Variants in IPO5 observed in about 807,000 individuals in gnomAD.
IPO5 encodes importin-5.
In IPO5, 18 loss-of-function variants were observed where a neutral mutation model predicts 143.3. The ratio of observed to expected loss-of-function variants is 0.13; its 90% CI spans 0.09 to 0.19. The LOEUF (loss-of-function observed/expected upper bound fraction) is 0.19. IPO5 is among the 10% of genes least tolerant of loss of function. The pLI, the probability that IPO5 is intolerant of heterozygous loss-of-function variation, is 1.00. For synonymous variants in IPO5, 477 were observed against 465.7 expected (o/e 1.02, Z -0.31); for missense variants, 1,013 against 1,336.9 (o/e 0.76, Z 3.78).
chr13:98,013,267 C>T lies in IPO5; in HGVS notation c.2153-775C>T, dbSNP rs1313770887. Reference sequence around the variant, plus strand: ...GTTTGTTTTTGTTTTTAAGTAGAGACGGGCTTTCACCACGTTGGCCAGGCA... The same window carrying T: ...GTTTGTTTTTGTTTTTAAGTAGAGATGGGCTTTCACCACGTTGGCCAGGCA... On this transcript the variant is annotated intron_variant, in intron 21 of 28. Transcript: ENST00000651721. Among the ~76,000 whole-genome samples the T allele has an allele frequency of 4.6e-5, 7 of 152,118 alleles. 1 individual carries two copies. The highest frequency in any genetic ancestry group is 3.4e-3 in the Middle Eastern group (1 of 294).
chr13:98,000,600 G>C lies in IPO5; in HGVS notation c.1063G>C (p.Val355Leu), dbSNP rs775571594. 2 of 1,614,136 alleles carry C rather than the reference G, an allele frequency of 1.2e-6. No individual in the cohort carries two copies. Among genetic ancestry groups the C allele is most frequent in the Non-Finnish European group, 1.7e-6 (2 of 1,179,980 alleles). Residue 355 changes from valine to leucine, a missense_variant, in exon 13 of 29, where the codon GTT becomes CTT. By Grantham distance (32) the Val-to-Leu change is conservative. Coordinates refer to ENST00000651721, the MANE Select transcript of IPO5 (RefSeq NM_002271.6). Reference sequence around the variant, plus strand: ...GGCTTGCGGACTTGGTGGAAAGCTCGTTCTGCCGATGATCAAGGAACACAT... The same window carrying C: ...GGCTTGCGGACTTGGTGGAAAGCTCCTTCTGCCGATGATCAAGGAACACAT... The part of the protein sequence containing the change: ...RMACGLGGKL[V>L]LPMIKEHIMQ...
chr13:97,992,685 G>C (rs1887901135), intron 9 of IPO5, among the ~76,000 whole-genome samples: 1 of 152,210 alleles, frequency 6.6e-6, no homozygotes. Context: ...ATGTAAATCT[G>C]TTTTGAATGT....
At chr13:97,991,970 T>C (rs1445694396) in intron 9 of IPO5, among the ~76,000 whole-genome samples, 1 of 152,210 alleles carries the variant, frequency 6.6e-6, no homozygotes, top group Non-Finnish European at 1.5e-5. Flanking sequence ...AAATATCTCC[T>C]GGGTGAAAAC....
intron 3 of IPO5, among the ~76,000 whole-genome samples, chr13:97,972,627 G>C (rs1039297352): frequency 6.6e-6 from 1 of 152,184 alleles, no homozygotes; most frequent in African/African-American, 2.4e-5. Flanking sequence ...AAACTGCAAG[G>C]GAAAGGAGCT....
chr13:97,989,749 A>G (rs936788452), intron 7 of IPO5, among the ~76,000 whole-genome samples: 6 of 152,196 alleles, frequency 3.9e-5, no homozygotes, highest in African/African-American at 7.2e-5. Flanking sequence ...CTTTGTTTAT[A>G]TCAGTAATTC....
At position 98,015,605 on chromosome 13, in the gene IPO5, C is replaced by A; in HGVS notation, c.2401C>A (p.Leu801Ile). Residue 801 changes from leucine to isoleucine, a missense_variant, in exon 23 of 29, where the codon CTT becomes ATT. Leu to Ile is a conservative substitution (Grantham distance 5, BLOSUM62 2). This residue lies in a region of IPO5 where 685 missense variants were observed against 994.9 expected (regional missense o/e 0.69). Transcript: ENST00000651721. ...EELGGILKAKLEEHFKNQELR... is the reference protein window; with the variant it reads ...EELGGILKAKIEEHFKNQELR... ...ACTGGGAGGTATATTGAAAGCAAAG[C>A]TTGAAGAACATTTTAAAAATCAAGA... The A allele has an allele frequency of 6.2e-7, 1 of 1,611,470 alleles. No individual in the cohort carries two copies. The highest frequency in any genetic ancestry group is 1.1e-5 in the South Asian group (1 of 90,814).
chr13:97,991,738 G>C (rs939283252), intron 9 of IPO5, among the ~76,000 whole-genome samples: 4 of 152,258 alleles, frequency 2.6e-5, no homozygotes, highest in South Asian at 2.1e-4. Flanking sequence ...TACATTGGAG[G>C]GGGGGATAAC....
rs1293489842 is a variant in IPO5 at position 98,016,767 on chromosome 13, T to A, written c.2532T>A (p.Asp844Glu). The change falls in exon 25 of 29, where the codon GAT becomes GAA. Residue 844 changes from aspartate (D) to glutamate (E), a missense_variant. Coordinates refer to ENST00000651721, the MANE Select transcript of IPO5 (RefSeq NM_002271.6). ...NDVYILTKVS[D>E]ILHSIFSSYK... ...TTTATATTCTGACCAAAGTGTCAGATATTTTACACTCAATATTCAGTAGCT... is the reference window on the plus strand; with the variant it reads ...TTTATATTCTGACCAAAGTGTCAGAAATTTTACACTCAATATTCAGTAGCT... 1 of 1,533,464 alleles carries A rather than the reference T, an allele frequency of 6.5e-7. No homozygotes were observed. Among genetic ancestry groups the A allele is most frequent in the African/African-American group, 1.4e-5 (1 of 71,538 alleles). 95.0% of individuals were successfully genotyped at this position (1,533,464 alleles called of 1,614,324 possible).
chr13:97,978,301 A>G (rs74108113), intron 4 of IPO5, among the ~76,000 whole-genome samples: 1,548 of 152,294 alleles, frequency 0.01, 25 homozygotes, highest in African/African-American at 0.032. Flanking sequence ...TTTTCACTCT[A>G]TATTTCACAT....
chr13:97,990,666 A>G (rs890330460), intron 9 of IPO5, 129 bp downstream of exon 9: 1 of 535,768 alleles, frequency 1.9e-6, no homozygotes, highest in African/African-American at 2.0e-5. Context: ...TGAACAAAAC[A>G]TGCAAATCTC....
chr13:97,990,107 T>C lies in IPO5; in HGVS notation c.468-19T>C, dbSNP rs777136336. 2.8e-6 allele frequency: 4 copies of C among 1,420,344 alleles called. No individual in the cohort carries two copies. Among genetic ancestry groups the C allele is most frequent in the East Asian group, 4.6e-5 (2 of 43,846 alleles). 88.0% of individuals were successfully genotyped at this position (1,420,344 alleles called of 1,614,324 possible). On this transcript the variant is annotated intron_variant, in intron 7 of 28. Coordinates refer to ENST00000651721, the MANE Select transcript of IPO5 (RefSeq NM_002271.6). Reference sequence around the variant, plus strand: ...TTAATATAATGTAGTTTTTAAAGAATGTTTGGATTATCTTTTAGGAACTTT... The same window carrying C: ...TTAATATAATGTAGTTTTTAAAGAACGTTTGGATTATCTTTTAGGAACTTT...
At chr13:97,988,965 C>A (rs1887599933) in intron 6 of IPO5, 97 bp from the exon 7 acceptor site, 1 of 617,600 alleles carries the variant, frequency 1.6e-6, no homozygotes, top group South Asian at 2.2e-5. Context: ...TTTCACTACT[C>A]CAGGTTTGAA....
chr13:97,997,802 A>G (rs2139740122), intron 12 of IPO5, among the ~76,000 whole-genome samples, 184 bp downstream of exon 12: 1 of 152,342 alleles, frequency 6.6e-6, no homozygotes, highest in South Asian at 2.1e-4. Flanking sequence ...GTTTTCATGT[A>G]TAATTTATAT....
chr13:97,976,742 G>A lies in IPO5; in HGVS notation c.46G>A (p.Gly16Arg), dbSNP rs777447059. The part of the protein sequence containing the change: ...AEQQQFYLLL[G>R]NLLSPDNVVR... The stretch of plus-strand genomic sequence containing the variant: ...GCAGCAACAGTTCTACCTGCTCCTG[G>A]GAAACCTGCTCAGCCCCGACAATGT... Residue 16 changes from glycine (G) to arginine (R), a missense_variant, in exon 4 of 29, where the codon GGA (glycine) becomes AGA (arginine). Transcript: ENST00000651721. 4 of 1,417,006 alleles carry A rather than the reference G, an allele frequency of 2.8e-6. No individual in the cohort carries two copies. The highest frequency in any genetic ancestry group is 1.9e-4 in the Middle Eastern group (1 of 5,174). 87.8% of individuals were successfully genotyped at this position (1,417,006 alleles called of 1,614,324 possible).
chr13:97,995,955 A>G (rs1683931479), intron 11 of IPO5, among the ~76,000 whole-genome samples: 2 of 152,204 alleles, frequency 1.3e-5, no homozygotes, highest in South Asian at 2.1e-4. Flanking sequence ...TGCGAAAACA[A>G]TTTTTTGACC....
intron 22 of IPO5, among the ~76,000 whole-genome samples, chr13:98,014,781 A>G (rs1371526844): frequency 6.6e-6 from 1 of 151,582 alleles, no homozygotes; most frequent in East Asian, 1.9e-4. Context: ...TAATCCAACT[A>G]TAGAAGCTTG....
rs748198568 is a variant in IPO5, at chr13:98,021,071, G to C, written c.3145G>C (p.Glu1049Gln). Reference sequence around the variant, plus strand: ...TATAATTGCGGAAGGAGAAATGCACGAGGCAATTAAACATGAAGATCCTTG... The same window carrying C: ...TATAATTGCGGAAGGAGAAATGCACCAGGCAATTAAACATGAAGATCCTTG... Reference protein sequence around the residue: ...FSIIAEGEMHEAIKHEDPCAK... With the variant: ...FSIIAEGEMHQAIKHEDPCAK... Residue 1049 changes from glutamate to glutamine, a missense_variant, in exon 28 of 29, where the codon GAG (glutamate) becomes CAG (glutamine). Transcript: ENST00000651721. The C allele has an allele frequency of 2.5e-6, 4 of 1,611,864 alleles. No individual in the cohort carries two copies. Among genetic ancestry groups the C allele is most frequent in the Non-Finnish European group, 2.5e-6 (3 of 1,179,218 alleles).
At chr13:98,006,387 T>C in intron 17 of IPO5, 39 bp downstream of exon 17, 1 of 657,222 alleles carries the variant, frequency 1.5e-6, no homozygotes, top group Non-Finnish European at 2.2e-6. Flanking sequence ...TTTTTTTTTT[T>C]TTTTTGAGAC....
Position 97,993,218 on chromosome 13 carries a change from A to T in IPO5, c.906A>T (p.Ala302=). ...AMLRKHTNIV[A]QTIPQMLAMM... ...TAAGAAAACATACCAATATTGTTGC[A>T]CAGACTAGTAAGTCAATGGTCTTCA... The change falls in exon 11 of 29, where the codon GCA becomes GCT. Residue 302 remains alanine (A), a synonymous_variant. Coordinates refer to ENST00000651721, the MANE Select transcript of IPO5 (RefSeq NM_002271.6). 1 of 1,613,824 alleles carries T rather than the reference A, an allele frequency of 6.2e-7. No individual in the cohort carries two copies. Among genetic ancestry groups the T allele is most frequent in the Non-Finnish European group, 8.5e-7 (1 of 1,179,914 alleles).
Sources: gnomAD v4.1 joint callset for allele counts (sites outside exome capture counted in the v4.1 genomes callset) on GRCh38, gnomAD v4.1.1 for gene constraint, gnomAD v4.1.1 regional missense constraint, MANE v1.5 for transcripts, NCBI Gene and HGNC (gene_info 2026-07-23, HGNC 2026-07-21) for gene names.